The following LDLRAD4 variants were observed in gnomAD, a reference collection of about 807,000 sequenced individuals.
LDLRAD4 encodes the protein low-density lipoprotein receptor class A domain-containing protein 4.
A neutral mutation model predicts 17.0 loss-of-function variants in LDLRAD4; 5 were observed. The observed-to-expected ratio is 0.29, with a 90% CI of 0.15 to 0.62. LDLRAD4 has a LOEUF of 0.62. LDLRAD4 is among the 20% of genes least tolerant of loss of function. LDLRAD4 has a pLI of 0.84. For synonymous variants in LDLRAD4, 168 were observed against 171.8 expected (o/e 0.98, Z 0.17); for missense variants, 340 against 424.7 (o/e 0.80, Z 1.75).
rs1265661257 is a variant in LDLRAD4, at chr18:13,294,547, G to A, written c.-383+16359G>A. On this transcript the variant is annotated intron_variant, in intron 1 of 5. Coordinates refer to ENST00000359446, the Ensembl canonical transcript of LDLRAD4. ...TAGAACTAAAACCCCTCAATGACAA[G>A]TGAGGAAGTAGATGTGAGAGGTCAC... Among the ~76,000 whole-genome samples the A allele has an allele frequency of 2.0e-5, 3 of 152,358 alleles. No individual in the cohort carries two copies. The East Asian group carries it at 5.8e-4, about 29-fold the overall frequency.
intron 3 of LDLRAD4, among the ~76,000 whole-genome samples, chr18:13,446,899 C>T (rs569702694): frequency 4.1e-5 from 6 of 146,334 alleles, no homozygotes; most frequent in African/African-American, 1.0e-4. Context: ...GGGCCTGCCT[C>T]GGGGGCCTTC....
chr18:13,227,636 C>G (rs1021723163), intron 1 of LDLRAD4, among the ~76,000 whole-genome samples: 19 of 152,248 alleles, frequency 1.2e-4, no homozygotes, highest in African/African-American at 4.6e-4. Context: ...AATTGACTCA[C>G]AGTTCCACGT....
intron 3 of LDLRAD4, among the ~76,000 whole-genome samples, chr18:13,450,244 G>T (rs1230292691): frequency 6.6e-6 from 1 of 151,324 alleles, no homozygotes; most frequent in Non-Finnish European, 1.5e-5. Flanking sequence ...CACCCTTCTG[G>T]TTCAGTGTCT....
intron 1 of LDLRAD4, chr18:13,382,477 G>A (rs751608141): frequency 2.0e-5 from 3 of 152,040 alleles, no homozygotes; most frequent in Non-Finnish European, 4.4e-5. Context: ...TCCATTTGAC[G>A]TGCTCTATTT....
rs1160997574 is a variant in LDLRAD4 at position 13,218,788 on chromosome 18, C to T, written c.-667C>T. ...TGGGGCTGCTGCTGTTGCACTTAGG[C>T]TGGGTCTCCGAGCCCCGGAGGAAGC... On this transcript the variant is annotated 5_prime_UTR_variant, in exon 1 of 6. Coordinates refer to the LDLRAD4 transcript ENST00000399848. 3 of 152,476 alleles carry T rather than the reference C, an allele frequency of 2.0e-5. No individual in the cohort carries two copies. In the East Asian group the frequency reaches 5.8e-4, roughly 29 times the overall value. 9.4% of individuals were successfully genotyped at this position (152,476 alleles called of 1,614,324 possible).
intron 3 of LDLRAD4, among the ~76,000 whole-genome samples, chr18:13,609,590 G>A (rs1347128561): frequency 1.3e-5 from 2 of 152,064 alleles, no homozygotes; most frequent in Admixed American, 6.5e-5. Context: ...AAGTAAACTT[G>A]TATTCATAAA....
At chr18:13,307,250 G>T (rs766009088) in intron 1 of LDLRAD4, among the ~76,000 whole-genome samples, 5 of 152,024 alleles carry the variant, frequency 3.3e-5, no homozygotes, top group Non-Finnish European at 5.9e-5. Context: ...CTCCTTCATC[G>T]CTTCTGTCTC....
intron 1 of LDLRAD4, among the ~76,000 whole-genome samples, chr18:13,317,342 C>T (rs941776279): frequency 1.3e-5 from 2 of 152,226 alleles, no homozygotes; most frequent in Non-Finnish European, 2.9e-5. Context: ...CTAAGGTACA[C>T]ATCCCCAAAG....
In LDLRAD4 at chr18:13,505,679, G is replaced by A. The variant is rs140713569; in HGVS notation, c.181+67295G>A. 8.4e-4 allele frequency among the ~76,000 whole-genome samples: 128 copies of A among 152,154 alleles called. 1 individual carries two copies. The highest frequency in any genetic ancestry group is 3.0e-3 in the African/African-American group (124 of 41,492). ...TAAAAATACAAAATATTACCCGGGCGTGGTGGTGGGCACCTGTAGTCGCAG... is the reference window on the plus strand; with the variant it reads ...TAAAAATACAAAATATTACCCGGGCATGGTGGTGGGCACCTGTAGTCGCAG... On this transcript the variant is annotated intron_variant, in intron 3 of 5. Coordinates refer to ENST00000359446, the Ensembl canonical transcript of LDLRAD4.
At chr18:13,308,027 G>C (rs2047014960) in intron 1 of LDLRAD4, among the ~76,000 whole-genome samples, 1 of 152,150 alleles carries the variant, frequency 6.6e-6, no homozygotes, top group Admixed American at 6.5e-5. Flanking sequence ...TCCCTGCCTT[G>C]TCTCTGCAGT....
At chr18:13,607,370 T>G in intron 3 of LDLRAD4, among the ~76,000 whole-genome samples, 1 of 152,258 alleles carries the variant, frequency 6.6e-6, no homozygotes, top group Admixed American at 6.5e-5. Flanking sequence ...TATGAATGTT[T>G]ACAAATGCTA....
chr18:13,223,397 C>G (rs2041573866), intron 1 of LDLRAD4, among the ~76,000 whole-genome samples: 1 of 152,196 alleles, frequency 6.6e-6, no homozygotes, highest in African/African-American at 2.4e-5. Flanking sequence ...CTTCCTGCCT[C>G]TGGGGTTTGC....
intron 1 of LDLRAD4, among the ~76,000 whole-genome samples, chr18:13,345,707 G>T (rs1361921867): frequency 6.6e-6 from 1 of 152,088 alleles, no homozygotes; most frequent in East Asian, 1.9e-4. Flanking sequence ...GAATCCATCT[G>T]GTCCTGGACT....
intron 1 of LDLRAD4, among the ~76,000 whole-genome samples, chr18:13,225,923 A>G (rs1160909754): frequency 6.6e-6 from 1 of 152,100 alleles, no homozygotes; most frequent in Non-Finnish European, 1.5e-5. Context: ...TTTTAAAACC[A>G]GTTTTAGGAC....
At chr18:13,629,854 C>A (rs2041508395) in intron 4 of LDLRAD4, among the ~76,000 whole-genome samples, 1 of 150,830 alleles carries the variant, frequency 6.6e-6, no homozygotes. Context: ...GGAGGCTCAC[C>A]AGGCTGGGGT....
chr18:13,225,387 C>G (rs1301745225), intron 1 of LDLRAD4, among the ~76,000 whole-genome samples: 1 of 152,248 alleles, frequency 6.6e-6, no homozygotes, highest in Non-Finnish European at 1.5e-5. Context: ...GGGATGGATG[C>G]TGACCCCTAT....
At chr18:13,480,129 T>G (rs1025076197) in intron 3 of LDLRAD4, among the ~76,000 whole-genome samples, 16 of 152,228 alleles carry the variant, frequency 1.1e-4, no homozygotes, top group African/African-American at 3.9e-4. Context: ...TATAGCAGCT[T>G]TATTCATCAT....
chr18:13,262,845 C>T (rs1252046842), intron 1 of LDLRAD4, among the ~76,000 whole-genome samples: 1 of 100,236 alleles, frequency 1.0e-5, no homozygotes, highest in Non-Finnish European at 1.9e-5. Flanking sequence ...GAGTCCCGTG[C>T]GGCTCCGTGC....
At chr18:13,225,566 G>A (rs561171390) in intron 1 of LDLRAD4, among the ~76,000 whole-genome samples, 60 of 152,330 alleles carry the variant, frequency 3.9e-4, no homozygotes, top group Non-Finnish European at 6.8e-4. Flanking sequence ...CAGTAGCCAC[G>A]CATTGTCATG....
Sources: gnomAD v4.1 joint callset for allele counts (sites outside exome capture counted in the v4.1 genomes callset) on GRCh38, gnomAD v4.1.1 for gene constraint, MANE v1.5 for transcripts, NCBI Gene and HGNC (gene_info 2026-07-23, HGNC 2026-07-21) for gene names.